Variants in TOX observed in about 807,000 individuals in gnomAD.
TOX encodes thymocyte selection associated high mobility group box.
Under a neutral mutation model 53.7 loss-of-function variants are expected in TOX, and 11 were observed. The observed-to-expected ratio is 0.20, with a 90% CI of 0.13 to 0.34. The LOEUF (loss-of-function observed/expected upper bound fraction) is 0.34, where lower values mean the gene tolerates loss of function less well. TOX is among the 10% of genes least tolerant of loss of function. The probability of loss-of-function intolerance (pLI) is 1.00; values close to 1 mark genes in which losing one functional copy is unlikely to be tolerated. For missense variants in TOX, 570 were observed against 664.6 expected (o/e 0.86, Z 1.56); for synonymous variants, 225 against 245.3 (o/e 0.92, Z 0.77).
At chr8:58,870,334 C>G (rs1811176428) in intron 3 of TOX, among the ~76,000 whole-genome samples, 1 of 151,950 alleles carries the variant, frequency 6.6e-6, no homozygotes, top group African/African-American at 2.4e-5. Flanking sequence ...ATAAATCGAA[C>G]AAACAAGTAC....
At chr8:58,982,311 C>T (rs930643816) in intron 1 of TOX, among the ~76,000 whole-genome samples, 4 of 152,196 alleles carry the variant, frequency 2.6e-5, no homozygotes, top group Admixed American at 6.5e-5. Context: ...AGAGGAATGG[C>T]GTACACACCC....
At chr8:59,010,994 G>A (rs1039832719) in intron 1 of TOX, among the ~76,000 whole-genome samples, 2 of 152,148 alleles carry the variant, frequency 1.3e-5, no homozygotes, top group Non-Finnish European at 1.5e-5. Context: ...TTTGGGAAAT[G>A]AAATAAAGTC....
At chr8:58,911,998 G>T (rs557494021) in intron 3 of TOX, among the ~76,000 whole-genome samples, 1 of 152,264 alleles carries the variant, frequency 6.6e-6, no homozygotes, top group East Asian at 1.9e-4. Context: ...CACCGTGCCC[G>T]GCCCAAATAC....
At chr8:58,927,931 C>T (rs1300605108) in intron 3 of TOX, among the ~76,000 whole-genome samples, 1 of 152,162 alleles carries the variant, frequency 6.6e-6, no homozygotes, top group Admixed American at 6.5e-5. Flanking sequence ...TCACCCAGAC[C>T]CACAGGCGTA....
rs143345267 is a variant in TOX, at chr8:58,836,404, C to T, written c.924+1677G>A. ...AATTCTGCAACAATATGTTAGGTTT[C>T]GATTAGAATCCCATAATACAATGTC... is the stretch of plus-strand genomic sequence containing the variant. On this transcript the variant is annotated intron_variant, in intron 5 of 8. Coordinates refer to ENST00000361421, the MANE Select transcript of TOX (RefSeq NM_014729.3). 6.5e-3 allele frequency among the ~76,000 whole-genome samples: 990 copies of T among 152,220 alleles called. 6 individuals carry two copies. The highest frequency in any genetic ancestry group is 0.022 in the African/African-American group (916 of 41,536).
At chr8:58,866,137 C>G (rs921922782) in intron 3 of TOX, among the ~76,000 whole-genome samples, 1 of 152,110 alleles carries the variant, frequency 6.6e-6, no homozygotes, top group Non-Finnish European at 1.5e-5. Flanking sequence ...GCCTGGCTGA[C>G]AGTGACATGT....
intron 1 of TOX, among the ~76,000 whole-genome samples, chr8:59,019,361 A>G (rs1216559989): frequency 6.6e-6 from 1 of 152,196 alleles, no homozygotes; most frequent in Admixed American, 6.5e-5. Context: ...ACTAAGTGGA[A>G]CCAAAAAAAT....
chr8:59,024,064 T>C (rs1814190785), intron 1 of TOX, among the ~76,000 whole-genome samples: 1 of 152,174 alleles, frequency 6.6e-6, no homozygotes, highest in Non-Finnish European at 1.5e-5. Flanking sequence ...TAGCTGTATA[T>C]TAATAGAACA....
At chr8:59,081,715 A>G (rs1804411102) in intron 1 of TOX, among the ~76,000 whole-genome samples, 1 of 152,216 alleles carries the variant, frequency 6.6e-6, no homozygotes, top group South Asian at 2.1e-4. Context: ...GGCAGGATGA[A>G]GCACTAGCCT....
In TOX at chr8:58,867,857, C is replaced by T. The variant is rs1048484763; in HGVS notation, c.412-16052G>A. On this transcript the variant is annotated intron_variant, in intron 3 of 8. Coordinates refer to ENST00000361421, the MANE Select transcript of TOX (RefSeq NM_014729.3). Reference sequence around the variant, plus strand: ...CTGTTGTCAGTGCCCAATTCAGGCACATTGAAGAACCAGGCTCAGAGGAAA... The same window carrying T: ...CTGTTGTCAGTGCCCAATTCAGGCATATTGAAGAACCAGGCTCAGAGGAAA... 8.5e-4 allele frequency among the ~76,000 whole-genome samples: 130 copies of T among 152,158 alleles called. 1 individual carries two copies. Among genetic ancestry groups the T allele is most frequent in the Non-Finnish European group, 5.9e-5 (4 of 68,026 alleles).
In TOX at chr8:58,915,010, G is replaced by A. The variant is rs1236994006; in HGVS notation, c.411+24292C>T. ...TTTTCAGACCGGCTTAAAAAACGGC[G>A]CACCACGAGACTATATCCCACACCT... On this transcript the variant is annotated intron_variant, in intron 3 of 8. Coordinates refer to ENST00000361421, the MANE Select transcript of TOX (RefSeq NM_014729.3). 1.2e-4 allele frequency among the ~76,000 whole-genome samples: 18 copies of A among 150,848 alleles called. 1 individual carries two copies. The highest frequency in any genetic ancestry group is 7.2e-4 in the Admixed American group (11 of 15,214).
intron 2 of TOX, among the ~76,000 whole-genome samples, chr8:58,957,719 A>G (rs985329511): frequency 2.0e-5 from 3 of 152,246 alleles, no homozygotes; most frequent in African/African-American, 7.2e-5. Flanking sequence ...TTGAACAGGA[A>G]TTATAATTGT....
chr8:59,047,281 A>G (rs1227620039), intron 1 of TOX, among the ~76,000 whole-genome samples: 1 of 127,092 alleles, frequency 7.9e-6, no homozygotes, highest in Non-Finnish European at 1.5e-5. Flanking sequence ...CAGTGGCACG[A>G]TCTCGGCTCA....
chr8:58,906,041 T>C (rs1811809551), intron 3 of TOX, among the ~76,000 whole-genome samples: 1 of 152,250 alleles, frequency 6.6e-6, no homozygotes, highest in Admixed American at 6.5e-5. Context: ...TATTAACTGA[T>C]ATTTACACTT....
chr8:59,034,003 G>A (rs1232134643), intron 1 of TOX, among the ~76,000 whole-genome samples: 1 of 152,178 alleles, frequency 6.6e-6, no homozygotes, highest in Non-Finnish European at 1.5e-5. Flanking sequence ...ACAAAAATCT[G>A]CAAGTGGCCA....
chr8:58,901,526 T>C (rs1811734652), intron 3 of TOX, among the ~76,000 whole-genome samples: 1 of 152,222 alleles, frequency 6.6e-6, no homozygotes, highest in Admixed American at 6.5e-5. Context: ...GAAATGTTTC[T>C]GTGGCAGGAA....
At chr8:58,984,707 C>T (rs1813292101) in intron 1 of TOX, among the ~76,000 whole-genome samples, 3 of 145,918 alleles carry the variant, frequency 2.1e-5, no homozygotes, top group Non-Finnish European at 3.0e-5. Context: ...GGCGTGAACC[C>T]GGGAGGCGGA....
intron 1 of TOX, among the ~76,000 whole-genome samples, chr8:58,995,142 C>T (rs904630678): frequency 1.3e-5 from 2 of 152,148 alleles, no homozygotes; most frequent in Non-Finnish European, 2.9e-5. Flanking sequence ...ATATCTTCTG[C>T]CACTAACTTT....
chr8:59,033,597 G>A (rs1025839054), intron 1 of TOX, among the ~76,000 whole-genome samples: 2 of 152,176 alleles, frequency 1.3e-5, no homozygotes, highest in African/African-American at 4.8e-5. Flanking sequence ...TACAAGAAAG[G>A]AGGGATCAGC....
Sources: allele counts gnomAD v4.1 joint callset (sites outside exome capture counted in the v4.1 genomes callset), GRCh38; gene constraint gnomAD v4.1.1; transcripts MANE v1.5; gene names NCBI Gene and HGNC (gene_info 2026-07-23, HGNC 2026-07-21).